GCSAML: variants seen among roughly 807,000 people sequenced by gnomAD.
GCSAML encodes germinal center associated signaling and motility like.
In GCSAML, 9 loss-of-function variants were observed where a neutral mutation model predicts 13.0. The observed-to-expected ratio is 0.69, with a 90% CI of 0.42 to 1.21. The LOEUF is 1.21. GCSAML is among the 50% of genes most tolerant of loss of function. The pLI is 0.00. For missense variants in GCSAML, 143 were observed against 153.4 expected, an observed-to-expected ratio of 0.93 and a Z score of 0.36; for synonymous variants, 37 against 52.9, an observed-to-expected ratio of 0.70 and a Z score of 1.31.
At chr1:247,507,264 G>A (rs1665863183) in intron 1 of GCSAML, 1 of 152,216 alleles carries the variant, frequency 6.6e-6, no homozygotes, top group African/African-American at 2.4e-5. Flanking sequence ...TGTGTTAGAA[G>A]TGACTGCTTA....
At chr1:247,561,016 TG>T (rs1239945820) in intron 2 of GCSAML, among the ~76,000 whole-genome samples, 1 of 152,128 alleles carries the variant, frequency 6.6e-6, no homozygotes, top group African/African-American at 2.4e-5. Flanking sequence ...TACAATGGCG[TG>T]ATCTCGGCTC....
intron 2 of GCSAML, among the ~76,000 whole-genome samples, chr1:247,557,315 T>C (rs760311452): frequency 2.0e-5 from 3 of 152,154 alleles, no homozygotes; most frequent in Non-Finnish European, 4.4e-5. Context: ...CACTTGCTAA[T>C]GTATATCTGT....
rs1668758062 is a variant in GCSAML at position 247,574,466 on chromosome 1, T to G, written c.*84T>G. 7.0e-7 allele frequency: 1 copy of G among 1,418,904 alleles called. No individual in the cohort carries two copies. The highest frequency in any genetic ancestry group is 1.4e-5 in the African/African-American group (1 of 70,054). 87.9% of individuals were successfully genotyped at this position (1,418,904 alleles called of 1,614,324 possible). Reference sequence around the variant, plus strand: ...TGGCGAAGTTGTTCACCCTGAGCAGTGCATGAAACATTCCTTTCTGGCTAA... The same window carrying G: ...TGGCGAAGTTGTTCACCCTGAGCAGGGCATGAAACATTCCTTTCTGGCTAA... On this transcript the variant is annotated 3_prime_UTR_variant, in exon 5 of 5. Coordinates refer to ENST00000366488, the MANE Select transcript of GCSAML (RefSeq NM_145278.5).
intron 4 of GCSAML, among the ~76,000 whole-genome samples, chr1:247,573,353 G>A (rs926591344): frequency 6.6e-6 from 1 of 152,166 alleles, no homozygotes; most frequent in Non-Finnish European, 1.5e-5. Flanking sequence ...TCTGTGGGTT[G>A]CAAAGACCGT....
At chr1:247,518,755 A>G (rs1385219992) in intron 1 of GCSAML, 2 of 153,172 alleles carry the variant, frequency 1.3e-5, no homozygotes, top group Non-Finnish European at 2.9e-5. Context: ...TTGGCAGGCC[A>G]AGGCGGGCAG....
intron 1 of GCSAML, among the ~76,000 whole-genome samples, chr1:247,515,439 TATA>T (rs1558233054): frequency 1.3e-5 from 2 of 152,262 alleles, no homozygotes; most frequent in Non-Finnish European, 2.9e-5. Flanking sequence ...CTAATTAATA[TATA>T]ATAACTCTGT....
intron 1 of GCSAML, among the ~76,000 whole-genome samples, chr1:247,521,686 A>G (rs1244836072): frequency 6.6e-6 from 1 of 152,180 alleles, no homozygotes; most frequent in African/African-American, 2.4e-5. Flanking sequence ...TCAGTGCTCA[A>G]TGTTGCCCAG....
intron 2 of GCSAML, among the ~76,000 whole-genome samples, chr1:247,557,100 G>A (rs1325621147): frequency 2.0e-5 from 3 of 152,082 alleles, no homozygotes; most frequent in East Asian, 1.9e-4. Context: ...GATTGATAAC[G>A]TCTCCTCCTG....
intron 2 of GCSAML, chr1:247,529,700 C>T (rs911926097): frequency 3.5e-5 from 5 of 143,914 alleles, no homozygotes; most frequent in African/African-American, 7.9e-5. Context: ...ACACAAGCCT[C>T]GGTGTTACTG....
At chr1:247,537,969 T>G (rs1483344641) in intron 2 of GCSAML, among the ~76,000 whole-genome samples, 1 of 152,230 alleles carries the variant, frequency 6.6e-6, no homozygotes, top group African/African-American at 2.4e-5. Flanking sequence ...AATGTCTTTT[T>G]GATGAACAAA....
intron 1 of GCSAML, among the ~76,000 whole-genome samples, chr1:247,517,135 T>C (rs1442099203): frequency 6.7e-6 from 1 of 149,480 alleles, no homozygotes. Context: ...CTTTCACCTT[T>C]GCACAATCAA....
chr1:247,532,161 G>C (rs1322726284), intron 2 of GCSAML: 1 of 1,614,080 alleles, frequency 6.2e-7, no homozygotes, highest in African/African-American at 1.3e-5. Flanking sequence ...AGGACATGGT[G>C]GCCAGCAGGA....
At chr1:247,549,373 G>C in intron 1 of GCSAML, 153 bp downstream of exon 1, 1 of 584,492 alleles carries the variant, frequency 1.7e-6, no homozygotes, top group South Asian at 2.7e-5. Flanking sequence ...GTGACGCCCA[G>C]TTGGCTCCTT....
At chr1:247,556,596 T>C in intron 2 of GCSAML, 130 bp downstream of exon 2, 1 of 606,088 alleles carries the variant, frequency 1.6e-6, no homozygotes, top group Non-Finnish European at 2.9e-6. Context: ...TCTTTGGTGA[T>C]TACCTGCATG....
intron 3 of GCSAML, 102 bp from the exon 4 acceptor site, chr1:247,565,829 T>G: frequency 7.7e-6 from 7 of 909,736 alleles, no homozygotes; most frequent in Non-Finnish European, 1.2e-5. Flanking sequence ...GTTTTATGAC[T>G]TCTACATTCT....
At chr1:247,509,977 T>A (rs1463607838) in intron 1 of GCSAML, among the ~76,000 whole-genome samples, 1 of 152,204 alleles carries the variant, frequency 6.6e-6, no homozygotes, top group Non-Finnish European at 1.5e-5. Flanking sequence ...TTTTGTTGTG[T>A]CTCTGTGAGG....
intron 2 of GCSAML, among the ~76,000 whole-genome samples, chr1:247,558,050 C>G (rs1668011351): frequency 6.6e-6 from 1 of 152,148 alleles, no homozygotes; most frequent in African/African-American, 2.4e-5. Flanking sequence ...GCCTTTATTA[C>G]AATCAGACAA....
At chr1:247,541,562 T>C (rs1667411503) in intron 2 of GCSAML, among the ~76,000 whole-genome samples, 3 of 152,144 alleles carry the variant, frequency 2.0e-5, no homozygotes, top group Admixed American at 6.5e-5. Flanking sequence ...AATGGTGTTT[T>C]CAAATCAAAC....
upstream of GCSAML, among the ~76,000 whole-genome samples, chr1:247,544,999 A>C (rs781526706): frequency 9.2e-5 from 14 of 152,246 alleles, no homozygotes; most frequent in Non-Finnish European, 2.1e-4. Context: ...ACAAGATTTA[A>C]ATGTAGTCAA....
Sources: allele counts gnomAD v4.1 joint callset (sites outside exome capture counted in the v4.1 genomes callset), GRCh38; gene constraint gnomAD v4.1.1; transcripts MANE v1.5; gene names NCBI Gene and HGNC (gene_info 2026-07-23, HGNC 2026-07-21).